The following ARHGAP21 variants were observed in gnomAD, a reference collection of about 807,000 sequenced individuals.
ARHGAP21 encodes Rho GTPase activating protein 21, also known as rho GTPase-activating protein 21.
ARHGAP21 carries 38 observed loss-of-function variants against 164.6 expected under a neutral mutation model. The observed-to-expected ratio is 0.23, with a 90% CI of 0.18 to 0.30. ARHGAP21 has a LOEUF of 0.30. Among genes scored for constraint, ARHGAP21 ranks in the 10% least tolerant of loss-of-function variants. The probability of loss-of-function intolerance (pLI) is 1.00; values close to 1 mark genes in which losing one functional copy is unlikely to be tolerated. For synonymous variants in ARHGAP21, 766 were observed against 857.9 expected, an observed-to-expected ratio of 0.89 and a Z score of 1.87; for missense variants, 1,822 against 2,370.7, an observed-to-expected ratio of 0.77 and a Z score of 4.81.
At chr10:24,605,478 T>C (rs987077483) in intron 11 of ARHGAP21, among the ~76,000 whole-genome samples, 4 of 152,120 alleles carry the variant, frequency 2.6e-5, no homozygotes, top group African/African-American at 9.7e-5. Context: ...AAGGCTAAAA[T>C]AGCTCACAAA....
chr10:24,594,527 T>C (rs1344297119), intron 21 of ARHGAP21, among the ~76,000 whole-genome samples: 1 of 152,144 alleles, frequency 6.6e-6, no homozygotes, highest in Non-Finnish European at 1.5e-5. Context: ...TTAGACAATA[T>C]AAAGAATATA....
chr10:24,647,085 G>A (rs546339025), intron 4 of ARHGAP21, among the ~76,000 whole-genome samples: 5 of 152,238 alleles, frequency 3.3e-5, no homozygotes, highest in South Asian at 4.1e-4. Context: ...AAGTGTTTTA[G>A]AACCCTTGAA....
chr10:24,632,034 G>A (rs1835903541), intron 6 of ARHGAP21, among the ~76,000 whole-genome samples: 1 of 152,140 alleles, frequency 6.6e-6, no homozygotes, highest in Non-Finnish European at 1.5e-5. Context: ...AAGGACACAT[G>A]TTATATTAAT....
chr10:24,584,352 A>G lies in ARHGAP21; in HGVS notation c.*60T>C. Reference sequence around the variant, plus strand: ...AATTCTGATACAAGAAAATATTGACAGAGTTACTGGAACGTGTAACAGTAG... The same window carrying G: ...AATTCTGATACAAGAAAATATTGACGGAGTTACTGGAACGTGTAACAGTAG... On this transcript the variant is annotated 3_prime_UTR_variant, in exon 26 of 26. Transcript: ENST00000396432. 1.3e-6 allele frequency: 2 copies of G among 1,499,768 alleles called. No homozygotes were observed. Among genetic ancestry groups the G allele is most frequent in the South Asian group, 1.4e-5 (1 of 73,956 alleles). 92.9% of individuals were successfully genotyped at this position (1,499,768 alleles called of 1,614,324 possible).
intron 2 of ARHGAP21, among the ~76,000 whole-genome samples, chr10:24,672,813 T>C (rs1006125048): frequency 1.3e-5 from 2 of 152,070 alleles, no homozygotes; most frequent in African/African-American, 4.8e-5. Context: ...GGGGTGGCCA[T>C]ATGATTGAGT....
At chr10:24,700,504 A>G (rs1426598893) in intron 2 of ARHGAP21, among the ~76,000 whole-genome samples, 1 of 152,242 alleles carries the variant, frequency 6.6e-6, no homozygotes, top group African/African-American at 2.4e-5. Context: ...TAAAATAATA[A>G]GAATTAAAGA....
intron 4 of ARHGAP21, among the ~76,000 whole-genome samples, chr10:24,664,918 C>T (rs568676678): frequency 6.6e-6 from 1 of 152,272 alleles, no homozygotes; most frequent in South Asian, 2.1e-4. Flanking sequence ...TAAATCCATT[C>T]TCTTCAGCGA....
At chr10:24,687,888 G>A (rs1358183152) in intron 2 of ARHGAP21, among the ~76,000 whole-genome samples, 1 of 152,190 alleles carries the variant, frequency 6.6e-6, no homozygotes, top group African/African-American at 2.4e-5. Context: ...TGCTTGATGA[G>A]CTATGATTAT....
intron 11 of ARHGAP21, among the ~76,000 whole-genome samples, chr10:24,604,833 C>T (rs918726961): frequency 6.6e-6 from 1 of 152,094 alleles, no homozygotes; most frequent in African/African-American, 2.4e-5. Context: ...AGTCCTGGCC[C>T]TTCACTCTTC....
intron 4 of ARHGAP21, among the ~76,000 whole-genome samples, chr10:24,639,213 T>C (rs1279533916): frequency 6.6e-6 from 1 of 152,176 alleles, no homozygotes; most frequent in Non-Finnish European, 1.5e-5. Flanking sequence ...ATTTGATACA[T>C]ATTTAAACTA....
chr10:24,704,625 C>A (rs1183366315), intron 2 of ARHGAP21, among the ~76,000 whole-genome samples: 5 of 152,136 alleles, frequency 3.3e-5, no homozygotes, highest in Middle Eastern at 3.4e-3. Flanking sequence ...GCCACCACGC[C>A]TGGCTAATTT....
In ARHGAP21 at chr10:24,619,791, T is replaced by C; in HGVS notation, c.2104A>G (p.Thr702Ala). The C allele has an allele frequency of 6.2e-7, 1 of 1,614,166 alleles. No individual in the cohort carries two copies. Among genetic ancestry groups the C allele is most frequent in the Non-Finnish European group, 8.5e-7 (1 of 1,180,038 alleles). The part of the protein sequence containing the change: ...PAPQSSENAG[T>A]SDLELPVSQR... ...CTGACAGGTAGTTCTAAATCTGAAG[T>C]ACCAGCGTTTTCACTCGACTGAGGG... The change falls in exon 9 of 26, where the codon ACT becomes GCT. Residue 702 changes from threonine (T) to alanine (A), a missense_variant. This residue lies in a region of ARHGAP21 where 1,090 missense variants were observed against 1,378.9 expected (regional missense o/e 0.79). Transcript: ENST00000396432.
In ARHGAP21 at chr10:24,585,269, A is replaced by G. The variant is rs1433454303; in HGVS notation, c.5020T>C (p.Leu1674=). ...GTTAAACTTCCCTCGGTGCAACTTAATTCACTTCCTTCAGAATTTCTCCGG... is the reference window on the plus strand; with the variant it reads ...GTTAAACTTCCCTCGGTGCAACTTAGTTCACTTCCTTCAGAATTTCTCCGG... The part of the protein sequence containing the change: ...SSRRNSEGSE[L]SCTEGSLTSS... Residue 1674 remains leucine, a synonymous_variant, in exon 26 of 26, where the codon TTA becomes CTA. Coordinates refer to ENST00000396432, the MANE Select transcript of ARHGAP21 (RefSeq NM_020824.4). 34 of 1,607,576 alleles carry G rather than the reference A, an allele frequency of 2.1e-5. No homozygotes were observed. The highest frequency in any genetic ancestry group is 1.7e-4 in the Middle Eastern group (1 of 6,054).
Position 24,591,350 on chromosome 10 carries a change from A to G in ARHGAP21, c.4045-20T>C. The G allele has an allele frequency of 6.4e-7, 1 of 1,560,268 alleles. No individual in the cohort carries two copies. Among genetic ancestry groups the G allele is most frequent in the Non-Finnish European group, 8.8e-7 (1 of 1,137,006 alleles). ...TGTTGTCTATGGTTAATAAACAAAG[A>G]TCTCTTCATCATCTCTTCAAAGATA... On this transcript the variant is annotated intron_variant, in intron 23 of 25. Transcript: ENST00000396432.
Position 24,620,002 on chromosome 10 carries a change from C to A in ARHGAP21, c.1893G>T (p.Thr631=), listed in dbSNP as rs765652851. The A allele has an allele frequency of 6.2e-7, 1 of 1,613,880 alleles. No homozygotes were observed. The highest frequency in any genetic ancestry group is 8.5e-7 in the Non-Finnish European group (1 of 1,179,866). ...VRSNSLKAPS[T]HVTKPSFSQK... is the part of the protein sequence containing the mutation. The stretch of plus-strand genomic sequence containing the variant: ...GGCTAAATGATGGTTTTGTGACATG[C>A]GTGGAAGGAGCTTTCAGAGAATTAC... Residue 631 remains threonine, a synonymous_variant, in exon 9 of 26, where the codon ACG becomes ACT. Transcript: ENST00000396432.
At chr10:24,593,991 A>AGGAT (rs1396566527) in intron 21 of ARHGAP21, among the ~76,000 whole-genome samples, 1 of 152,110 alleles carries the variant, frequency 6.6e-6, no homozygotes, top group Non-Finnish European at 1.5e-5. Flanking sequence ...TCTTCTCATA[A>AGGAT]TCAATCCTTA....
intron 2 of ARHGAP21, among the ~76,000 whole-genome samples, chr10:24,672,478 A>C (rs1353809591): frequency 6.6e-6 from 1 of 152,086 alleles, no homozygotes; most frequent in Middle Eastern, 3.2e-3. Flanking sequence ...ATTTCATTCC[A>C]TTTCCTACAT....
chr10:24,703,072 T>C (rs562126073), intron 2 of ARHGAP21, among the ~76,000 whole-genome samples: 2 of 152,202 alleles, frequency 1.3e-5, no homozygotes, highest in South Asian at 4.2e-4. Context: ...GAAAATGATG[T>C]CCTAAAATGG....
At chr10:24,667,385 G>A (rs1218555220) in intron 3 of ARHGAP21, among the ~76,000 whole-genome samples, 1 of 152,170 alleles carries the variant, frequency 6.6e-6, no homozygotes, top group Non-Finnish European at 1.5e-5. Context: ...TGGACAGATG[G>A]AAAGGTCAGG....
Sources: gnomAD v4.1 joint callset for allele counts (sites outside exome capture counted in the v4.1 genomes callset) on GRCh38, gnomAD v4.1.1 for gene constraint, gnomAD v4.1.1 regional missense constraint, MANE v1.5 for transcripts, NCBI Gene and HGNC (gene_info 2026-07-23, HGNC 2026-07-21) for gene names.